Variants in HSP90AA1 observed in about 807,000 individuals in gnomAD.
HSP90AA1 encodes the protein heat shock protein HSP 90-alpha.
Under a neutral mutation model 73.3 loss-of-function variants are expected in HSP90AA1, and 18 were observed. The observed-to-expected ratio is 0.25, with a 90% CI of 0.17 to 0.36. HSP90AA1 has a LOEUF of 0.36. HSP90AA1 is among the 10% of genes least tolerant of loss of function. The pLI is 1.00. For missense variants in HSP90AA1, 704 were observed against 874.2 expected (o/e 0.81, Z 2.45); for synonymous variants, 477 against 296.9 (o/e 1.61, Z -6.24).
chr14:102,113,340 T>TTCTC (rs763909632), intron 1 of HSP90AA1, among the ~76,000 whole-genome samples: 3 of 150,424 alleles, frequency 2.0e-5, no homozygotes, highest in Admixed American at 6.7e-5. Flanking sequence ...CTTGCTTGCT[T>TTCTC]TCTCTCTCTC....
chr14:102,132,260 AG>A (rs1243635185), intron 1 of HSP90AA1, among the ~76,000 whole-genome samples: 1 of 152,142 alleles, frequency 6.6e-6, no homozygotes. Context: ...CCAGCTACTC[AG>A]GAGGCTGAGG....
intron 2 of HSP90AA1, among the ~76,000 whole-genome samples, chr14:102,100,423 GT>G (rs71116879): frequency 0.7 from 73,856 of 106,238 alleles, 25,145 homozygotes; most frequent in Non-Finnish European, 0.78. Flanking sequence ...TTCCAGTCTG[GT>G]TTTTTTTTTT....
At position 102,082,965 on chromosome 14, in the gene HSP90AA1, G is replaced by A. The variant is rs1367671710; in HGVS notation, c.1755+69C>T. ...TTTAAGTTGAAAACATGCGAAAATG[G>A]GCTATGTATGACTAAGCTTGAAAGC... On this transcript the variant is annotated intron_variant, in intron 9 of 10. Transcript: ENST00000216281. 9 of 1,445,336 alleles carry A rather than the reference G, an allele frequency of 6.2e-6. No individual in the cohort carries two copies. In the Middle Eastern group the frequency reaches 6.9e-4, roughly 112 times the overall value. 89.5% of individuals were successfully genotyped at this position (1,445,336 alleles called of 1,614,324 possible).
At chr14:102,122,954 C>CAGTGTAATATAAAT (rs1162339720) in intron 1 of HSP90AA1, among the ~76,000 whole-genome samples, 2 of 152,150 alleles carry the variant, frequency 1.3e-5, no homozygotes, top group Non-Finnish European at 2.9e-5. Context: ...AGGCATGAGC[C>CAGTGTAATATAAAT]ACTGCGCCCA....
intron 1 of HSP90AA1, among the ~76,000 whole-genome samples, chr14:102,135,314 T>C (rs1442056699): frequency 6.7e-6 from 1 of 150,000 alleles, no homozygotes; most frequent in East Asian, 1.9e-4. Context: ...GACTGGTGTA[T>C]TTACAATCCC....
upstream of HSP90AA1, among the ~76,000 whole-genome samples, chr14:102,087,518 G>C (rs1395952940): frequency 6.6e-6 from 1 of 151,974 alleles, no homozygotes; most frequent in Non-Finnish European, 1.5e-5. Flanking sequence ...CGTGGACGGA[G>C]AGCGGCCCGG....
intron 4 of HSP90AA1, 123 bp downstream of exon 4, chr14:102,085,175 G>T: frequency 7.0e-7 from 1 of 1,419,212 alleles, no homozygotes; most frequent in Non-Finnish European, 9.9e-7. Context: ...ACAGAGTTAG[G>T]TAGTAGAGCT....
At chr14:102,103,180 CAAAA>C (rs898771022) in intron 1 of HSP90AA1, among the ~76,000 whole-genome samples, 1 of 37,210 alleles carries the variant, frequency 2.7e-5, no homozygotes, top group Admixed American at 5.0e-4. Flanking sequence ...GACTCAGTCT[CAAAA>C]AAAAAAAAAA....
exon 1 of HSP90AA1, chr14:102,139,623 T>G (rs375429292): frequency 3.1e-6 from 2 of 643,890 alleles, no homozygotes; most frequent in African/African-American, 3.7e-5. Flanking sequence ...AACGGTCAAC[T>G]AGACCCCACT....
At chr14:102,120,213 G>A (rs946144147) in intron 1 of HSP90AA1, among the ~76,000 whole-genome samples, 3 of 151,868 alleles carry the variant, frequency 2.0e-5, no homozygotes, top group South Asian at 4.2e-4. Flanking sequence ...AAGATAATTC[G>A]CTAGGCATGG....
upstream of HSP90AA1, among the ~76,000 whole-genome samples, chr14:102,088,601 G>C (rs143317149): frequency 6.5e-4 from 99 of 152,338 alleles, 1 homozygote; most frequent in African/African-American, 2.3e-3. Context: ...TGTGTGCCTG[G>C]TCCTGTGGTA....
At chr14:102,087,380 C>T (rs1299483771), upstream of HSP90AA1, among the ~76,000 whole-genome samples, 3 of 151,606 alleles carry the variant, frequency 2.0e-5, no homozygotes, top group African/African-American at 7.3e-5. Flanking sequence ...GCCCTGCACC[C>T]CCACCTGCCG....
intron 1 of HSP90AA1, among the ~76,000 whole-genome samples, chr14:102,122,528 G>T (rs1445506719): frequency 6.6e-6 from 1 of 151,942 alleles, no homozygotes; most frequent in Non-Finnish European, 1.5e-5. Context: ...TGATCCACCT[G>T]CCTCGGCCTC....
intron 1 of HSP90AA1, among the ~76,000 whole-genome samples, chr14:102,102,818 T>A (rs1377320917): frequency 6.6e-6 from 1 of 152,060 alleles, no homozygotes; most frequent in African/African-American, 2.4e-5. Context: ...AGTGCATTGC[T>A]TAAGCCTAGG....
chr14:102,134,405 C>T (rs148787902), intron 1 of HSP90AA1, among the ~76,000 whole-genome samples: 11 of 150,962 alleles, frequency 7.3e-5, no homozygotes, highest in African/African-American at 2.7e-4. Flanking sequence ...AAGAAACAGG[C>T]TGAGAAGTGC....
At chr14:102,128,126 TG>T (rs1366744506) in intron 1 of HSP90AA1, among the ~76,000 whole-genome samples, 3 of 152,254 alleles carry the variant, frequency 2.0e-5, no homozygotes, top group African/African-American at 7.2e-5. Flanking sequence ...AACAGTAACT[TG>T]CTGCTGGAGC....
At chr14:102,108,212 A>G (rs564924013) in intron 1 of HSP90AA1, among the ~76,000 whole-genome samples, 1 of 148,556 alleles carries the variant, frequency 6.7e-6, no homozygotes, top group African/African-American at 2.5e-5. Context: ...GCAGTGAGCC[A>G]TAATCATGAC....
At chr14:102,115,647 C>A (rs1345401503) in intron 1 of HSP90AA1, among the ~76,000 whole-genome samples, 2 of 151,918 alleles carry the variant, frequency 1.3e-5, no homozygotes, top group African/African-American at 4.8e-5. Context: ...CTGTGGCAGG[C>A]TGAGGTGGGA....
At chr14:102,122,956 C>T (rs1425196851) in intron 1 of HSP90AA1, among the ~76,000 whole-genome samples, 2 of 152,160 alleles carry the variant, frequency 1.3e-5, no homozygotes, top group Non-Finnish European at 2.9e-5. Flanking sequence ...GCATGAGCCA[C>T]TGCGCCCAGC....
Sources: gnomAD v4.1 joint callset for allele counts (sites outside exome capture counted in the v4.1 genomes callset) on GRCh38, gnomAD v4.1.1 for gene constraint, MANE v1.5 for transcripts, NCBI Gene and HGNC (gene_info 2026-07-23, HGNC 2026-07-21) for gene names.